SLC19A3: variants seen among roughly 807,000 people sequenced by gnomAD.
SLC19A3 encodes the protein thiamine transporter 2.
In SLC19A3, 31 loss-of-function variants were observed where a neutral mutation model predicts 40.2. The ratio of observed to expected loss-of-function variants is 0.77; its 90% CI spans 0.58 to 1.04. The LOEUF is 1.04. Among genes scored for constraint, SLC19A3 ranks in the 50% least tolerant of loss-of-function variants. The pLI is 0.00. For synonymous variants in SLC19A3, 212 were observed against 227.5 expected (o/e 0.93, Z 0.61); for missense variants, 592 against 596.7 (o/e 0.99, Z 0.08).
chr2:227,694,970 G>A (rs1179320573), intron 4 of SLC19A3, among the ~76,000 whole-genome samples: 1 of 152,176 alleles, frequency 6.6e-6, no homozygotes, highest in Non-Finnish European at 1.5e-5. Context: ...TGAGGTGGGA[G>A]GACTGCTTGA....
At chr2:227,707,094 G>T (rs1263563034) in intron 1 of SLC19A3, among the ~76,000 whole-genome samples, 2 of 152,166 alleles carry the variant, frequency 1.3e-5, no homozygotes, top group African/African-American at 4.8e-5. Flanking sequence ...AGACCAGAGT[G>T]CACTTGTCCC....
intron 2 of SLC19A3, 109 bp from the exon 3 acceptor site, chr2:227,699,673 G>A: frequency 1.1e-6 from 1 of 914,828 alleles, no homozygotes; most frequent in Non-Finnish European, 1.8e-6. Context: ...GCATTACGGA[G>A]AAACATAATG....
At chr2:227,706,544 G>T in intron 1 of SLC19A3, 1 of 1,016,450 alleles carries the variant, frequency 9.8e-7, no homozygotes, top group East Asian at 3.6e-5. Context: ...GCTGAGGCAG[G>T]TGGATCACCT....
chr2:227,714,337 A>G (rs1696254448), intron 1 of SLC19A3: 1 of 740,924 alleles, frequency 1.3e-6, no homozygotes, highest in Non-Finnish European at 1.6e-6. Flanking sequence ...CCGTAACGCA[A>G]AGCTAGGACA....
intron 1 of SLC19A3, among the ~76,000 whole-genome samples, chr2:227,715,104 G>A (rs1358279250): frequency 2.6e-5 from 4 of 152,038 alleles, no homozygotes; most frequent in Non-Finnish European, 5.9e-5. Context: ...ACAGGTGTGA[G>A]CCGCCGTGCC....
chr2:227,687,321 A>G lies in SLC19A3; in HGVS notation c.*76T>C, dbSNP rs1328812644. 7.0e-7 allele frequency: 1 copy of G among 1,430,682 alleles called. No individual in the cohort carries two copies. Among genetic ancestry groups the G allele is most frequent in the Non-Finnish European group, 9.5e-7 (1 of 1,048,370 alleles). The allele number at this position is 1,430,682 out of a possible 1,614,324, so 88.6% of individuals were successfully genotyped here. On this transcript the variant is annotated 3_prime_UTR_variant, in exon 6 of 6. Transcript: ENST00000644224. ...AAAGCATGTCAAGTTATGGCAAAAC[A>G]TATGCCACCCATCTCAAAATCTTTC...
intron 1 of SLC19A3, among the ~76,000 whole-genome samples, chr2:227,709,160 G>C (rs1038155202): frequency 6.6e-6 from 1 of 152,010 alleles, no homozygotes; most frequent in African/African-American, 2.4e-5. Context: ...CATTTTTGTA[G>C]GGTAAACAAC....
chr2:227,700,829 A>G (rs1695657301), intron 2 of SLC19A3: 6 of 891,010 alleles, frequency 6.7e-6, no homozygotes, highest in African/African-American at 1.7e-5. Context: ...TGGGATCTCA[A>G]TTTTCACAGT....
chr2:227,695,908 G>A lies in SLC19A3; in HGVS notation c.1153C>T (p.Leu385Phe), dbSNP rs771385639. ...ACTTACACTGCTATGGTTATAAGAAGCATATAGCTGGACTTGAATATCAAA... is the reference window on the plus strand; with the variant it reads ...ACTTACACTGCTATGGTTATAAGAAACATATAGCTGGACTTGAATATCAAA... ...GYLIFKSSYM[L>F]LITIAVFQIA... is the part of the protein sequence containing the mutation. The change falls in exon 4 of 6, where the codon CTT becomes TTT. Residue 385 changes from leucine to phenylalanine, a missense_variant. Leu to Phe is a conservative substitution (Grantham distance 22). Transcript: ENST00000644224. 2 of 1,614,124 alleles carry A rather than the reference G, an allele frequency of 1.2e-6. No individual in the cohort carries two copies. Among genetic ancestry groups the A allele is most frequent in the East Asian group, 2.2e-5 (1 of 44,884 alleles).
At chr2:227,689,644 G>A (rs187154038) in intron 4 of SLC19A3, among the ~76,000 whole-genome samples, 64 of 152,228 alleles carry the variant, frequency 4.2e-4, no homozygotes, top group Middle Eastern at 3.4e-3. Context: ...ACGTTCATGC[G>A]CAATAAGAAA....
chr2:227,689,746 T>C (rs1345146693), intron 4 of SLC19A3, among the ~76,000 whole-genome samples: 1 of 152,198 alleles, frequency 6.6e-6, no homozygotes, highest in African/African-American at 2.4e-5. Context: ...TAAACTACTC[T>C]CATAAGTAGA....
intron 2 of SLC19A3, chr2:227,701,882 T>C (rs1695709405): frequency 5.5e-6 from 2 of 360,726 alleles, no homozygotes; most frequent in Non-Finnish European, 1.0e-5. Context: ...AGGATTAGTA[T>C]AATAGAATCA....
chr2:227,701,154 CAGA>C (rs1483055510), intron 2 of SLC19A3: 2 of 1,218,506 alleles, frequency 1.6e-6, no homozygotes, highest in South Asian at 2.9e-5. Flanking sequence ...TCTGATGCTA[CAGA>C]AGAAGCTTGC....
intron 1 of SLC19A3, among the ~76,000 whole-genome samples, chr2:227,715,739 A>G (rs1696313728): frequency 6.6e-6 from 1 of 152,096 alleles, no homozygotes; most frequent in African/African-American, 2.4e-5. Flanking sequence ...ACGGCTTAGA[A>G]AGTCAACTGA....
chr2:227,696,749 T>A (rs1412845975), intron 3 of SLC19A3, among the ~76,000 whole-genome samples: 1 of 152,178 alleles, frequency 6.6e-6, no homozygotes, highest in Non-Finnish European at 1.5e-5. Context: ...AGCACTTTTG[T>A]GTGGTTCTCT....
chr2:227,687,146 C>G lies in SLC19A3; in HGVS notation c.*251G>C, dbSNP rs1695044432. On this transcript the variant is annotated 3_prime_UTR_variant, in exon 6 of 6. Transcript: ENST00000644224. ...GATAAAAACCAGAATTTTCCAGCTG[C>G]TACTAGTCACAGGGGGTCCCCAATA... 2.7e-6 allele frequency: 1 copy of G among 372,882 alleles called. No homozygotes were observed. Among genetic ancestry groups the G allele is most frequent in the Admixed American group, 4.3e-5 (1 of 23,372 alleles). 23.1% of individuals were successfully genotyped at this position (372,882 alleles called of 1,614,324 possible). A position where few individuals can be genotyped will look rare whatever the true frequency, so the allele number is the denominator to read the frequency against.
intron 4 of SLC19A3, among the ~76,000 whole-genome samples, chr2:227,690,151 A>G (rs896796693): frequency 2.0e-5 from 3 of 152,170 alleles, no homozygotes; most frequent in Admixed American, 6.5e-5. Context: ...ATCAATCTAA[A>G]CTCTTCAAAA....
intron 1 of SLC19A3, among the ~76,000 whole-genome samples, chr2:227,709,989 A>C (rs1471953507): frequency 6.6e-6 from 1 of 152,148 alleles, no homozygotes; most frequent in African/African-American, 2.4e-5. Context: ...ATCTCAGATC[A>C]TCAGGCATTA....
chr2:227,703,992 T>C lies in SLC19A3; in HGVS notation c.-2-1672A>G, dbSNP rs560920042. On this transcript the variant is annotated intron_variant, in intron 1 of 5. Coordinates refer to ENST00000644224, the MANE Select transcript of SLC19A3 (RefSeq NM_025243.4). The surrounding 1 kb of genome is among the most constrained non-coding windows in gnomAD (Gnocchi z 4.7). ...TGGGATGGTCAAGCAGAAAAAAACCTATAATAAGACATGCCCTACTAAAGT... is the reference window on the plus strand; with the variant it reads ...TGGGATGGTCAAGCAGAAAAAAACCCATAATAAGACATGCCCTACTAAAGT... Among the ~76,000 whole-genome samples, 7 of 150,852 alleles carry C rather than the reference T, an allele frequency of 4.6e-5. No individual in the cohort carries two copies. In the South Asian group the frequency reaches 1.5e-3, roughly 32 times the overall value.
Sources: allele counts gnomAD v4.1 joint callset (sites outside exome capture counted in the v4.1 genomes callset), GRCh38; gene constraint gnomAD v4.1.1; non-coding constraint Gnocchi (gnomAD v3.1); transcripts MANE v1.5; gene names NCBI Gene and HGNC (gene_info 2026-07-23, HGNC 2026-07-21).